CCDC157: variants seen among roughly 807,000 people sequenced by gnomAD.
CCDC157 encodes coiled-coil domain containing 157, also known as coiled-coil domain-containing protein 157.
In CCDC157, 60 loss-of-function variants were observed where a neutral mutation model predicts 70.9. The observed-to-expected ratio is 0.85, with a 90% CI of 0.69 to 1.05. The LOEUF is 1.05. Ranked by LOEUF, CCDC157 falls within the 50% of genes least tolerant of loss-of-function variation. The pLI, the probability that CCDC157 is intolerant of heterozygous loss-of-function variation, is 0.00. For missense variants in CCDC157, 943 were observed against 984.2 expected, an observed-to-expected ratio of 0.96 and a Z score of 0.56; for synonymous variants, 373 against 422.4, an observed-to-expected ratio of 0.88 and a Z score of 1.43.
At chr22:30,365,924 C>T in intron 2 of CCDC157, 66 bp from the exon 3 acceptor site, 1 of 1,442,724 alleles carries the variant, frequency 6.9e-7, no homozygotes, top group Non-Finnish European at 9.3e-7. Flanking sequence ...ATGAGGGTTT[C>T]AGGGAGTTTC....
intron 2 of CCDC157, among the ~76,000 whole-genome samples, chr22:30,364,547 G>A (rs1039486234): frequency 2.6e-5 from 4 of 151,994 alleles, no homozygotes; most frequent in Non-Finnish European, 4.4e-5. Context: ...CGTGGCTCAC[G>A]CCTGTAATCC....
Position 30,365,990 on chromosome 22 carries a change from G to C in CCDC157, c.-11G>C, listed in dbSNP as rs755965736. On this transcript the variant is annotated splice_region_variant and 5_prime_UTR_variant, in exon 3 of 12. Transcript: ENST00000338306. The stretch of plus-strand genomic sequence containing the variant: ...CAGGGCTCTTCTCTGCTCACCCCAG[G>C]ATCTGTGAGGATGGCGCACCTGCTG... The C allele has an allele frequency of 1.5e-5, 23 of 1,578,874 alleles. No homozygotes were observed. The highest frequency in any genetic ancestry group is 1.9e-5 in the Non-Finnish European group (22 of 1,169,192).
intron 1 of CCDC157, among the ~76,000 whole-genome samples, chr22:30,357,921 C>G (rs1173024162): frequency 6.6e-6 from 1 of 152,156 alleles, no homozygotes; most frequent in African/African-American, 2.4e-5. Flanking sequence ...GCCTTGGCCT[C>G]CCAAAGTGCT....
chr22:30,373,943 G>C lies in CCDC157; in HGVS notation c.1524G>C (p.Gln508His), dbSNP rs1933142115. The C allele has an allele frequency of 6.2e-7, 1 of 1,611,816 alleles. No homozygotes were observed. Among genetic ancestry groups the C allele is most frequent in the Non-Finnish European group, 8.5e-7 (1 of 1,179,194 alleles). ...CCCAGGAGCTGCTGCAGAGCCTGCA[G>C]AGGGAGAAGCAAGGCCTGGAGCAGG... ...RAQQELLQSLQREKQGLEQAT... is the reference protein window; with the variant it reads ...RAQQELLQSLHREKQGLEQAT... The change falls in exon 9 of 12, where the codon CAG becomes CAC. Residue 508 changes from glutamine (Q) to histidine (H), a missense_variant. Coordinates refer to ENST00000338306, the MANE Select transcript of CCDC157 (RefSeq NM_001017437.5).
rs138168951 is a variant in CCDC157 at position 30,357,966 on chromosome 22, T to C, written c.-166+834T>C. Among the ~76,000 whole-genome samples, 10 of 152,282 alleles carry C rather than the reference T, an allele frequency of 6.6e-5. No individual in the cohort carries two copies. In the East Asian group the frequency reaches 1.4e-3, roughly 21 times the overall value. Reference sequence around the variant, plus strand: ...CGCATGAGCCATCACGCAGGGCTGCTGCTTTAGGCTTCACCCCTCACTCTC... The same window carrying C: ...CGCATGAGCCATCACGCAGGGCTGCCGCTTTAGGCTTCACCCCTCACTCTC... On this transcript the variant is annotated intron_variant, in intron 1 of 11. Coordinates refer to ENST00000338306, the MANE Select transcript of CCDC157 (RefSeq NM_001017437.5).
chr22:30,364,821 A>C (rs1932610297), intron 2 of CCDC157, among the ~76,000 whole-genome samples: 1 of 151,976 alleles, frequency 6.6e-6, no homozygotes, highest in Non-Finnish European at 1.5e-5. Context: ...TCTCAAAAAA[A>C]AAAAAAAACC....
At chr22:30,361,247 CAAAA>C (rs33971565) in intron 1 of CCDC157, among the ~76,000 whole-genome samples, 3 of 62,194 alleles carry the variant, frequency 4.8e-5, no homozygotes, top group African/African-American at 1.3e-4. Flanking sequence ...GACTCTGTCT[CAAAA>C]AAAAAAAAAA....
intron 2 of CCDC157, among the ~76,000 whole-genome samples, chr22:30,363,802 C>T (rs1391151474): frequency 6.7e-6 from 1 of 150,286 alleles, no homozygotes; most frequent in African/African-American, 2.5e-5. Flanking sequence ...GTTCTCCTGT[C>T]TCAGCCTCCC....
In CCDC157 at chr22:30,376,827, C is replaced by T; in HGVS notation, c.*82C>T. On this transcript the variant is annotated 3_prime_UTR_variant, in exon 12 of 12. Coordinates refer to ENST00000338306, the MANE Select transcript of CCDC157 (RefSeq NM_001017437.5). ...TAAAGCCCCAGCCATTGGCCCACAG[C>T]AATCTTTGCCTCACAGTATGACTGA... is the stretch of plus-strand genomic sequence containing the variant. 1.5e-6 allele frequency: 2 copies of T among 1,352,474 alleles called. No individual in the cohort carries two copies. Among genetic ancestry groups the T allele is most frequent in the South Asian group, 1.3e-5 (1 of 74,946 alleles). The allele number at this position is 1,352,474 out of a possible 1,614,324, so 83.8% of individuals were successfully genotyped here.
At position 30,370,377 on chromosome 22, in the gene CCDC157, G is replaced by A. The variant is rs143249037; in HGVS notation, c.472G>A (p.Glu158Lys). The change falls in exon 5 of 12, where the codon GAG becomes AAG. Residue 158 changes from glutamate (E) to lysine (K), a missense_variant. Glu to Lys is a moderately conservative substitution (Grantham distance 56). Transcript: ENST00000338306. ...CACCTCCAAGCCCACCACCAAGGGC[G>A]AGCCAGCCAGGAGCCCTGAATATCT... ...TPTSKPTTKGEPARSPEYLTT... is the reference protein window; with the variant it reads ...TPTSKPTTKGKPARSPEYLTT... 5.0e-4 allele frequency: 807 copies of A among 1,614,048 alleles called. 4 individuals are homozygous for A. In the Middle Eastern group the frequency reaches 6.9e-3, roughly 14 times the overall value.
chr22:30,376,024 CAA>C (rs772545880), intron 10 of CCDC157: 206 of 470,932 alleles, frequency 4.4e-4, no homozygotes, highest in South Asian at 8.8e-4. Context: ...CCCGTTTCTA[CAA>C]AAAAAAAAAG....
intron 3 of CCDC157, chr22:30,367,237 T>G (rs556347568): frequency 1.3e-5 from 2 of 150,768 alleles, no homozygotes; most frequent in African/African-American, 4.9e-5. Flanking sequence ...TAGCTGGGTG[T>G]GTTGGTGCAT....
In CCDC157 at chr22:30,376,433, G is replaced by T; in HGVS notation, c.1947G>T (p.Gly649=). 6.2e-7 allele frequency: 1 copy of T among 1,613,774 alleles called. No homozygotes were observed. Among genetic ancestry groups the T allele is most frequent in the Non-Finnish European group, 8.5e-7 (1 of 1,179,902 alleles). The part of the protein sequence containing the change: ...PPVQAKSTSP[G]PLGRQHLPSS... ...GATCTTGGATCTGGTTTTCCTTCAGGCCTCTGGGCAGACAGCACCTTCCTA... is the reference window on the plus strand; with the variant it reads ...GATCTTGGATCTGGTTTTCCTTCAGTCCTCTGGGCAGACAGCACCTTCCTA... The change falls in exon 12 of 12, where the codon GGG becomes GGT. Residue 649 remains glycine (G), a splice_region_variant and synonymous_variant. Coordinates refer to ENST00000338306, the MANE Select transcript of CCDC157 (RefSeq NM_001017437.5).
At chr22:30,356,966 G>C, upstream of CCDC157, 1 of 512,452 alleles carries the variant, frequency 2.0e-6, no homozygotes, top group Non-Finnish European at 3.0e-6. Flanking sequence ...GCCGTGACGC[G>C]CTTCCCGCCC....
Position 30,373,699 on chromosome 22 carries a change from G to C in CCDC157, c.1438G>C (p.Ala480Pro). The part of the protein sequence containing the change: ...GSLDEAEAQR[A>P]RVEEQLQSER... ...CCTGGACGAGGCTGAGGCCCAGCGG[G>C]CCCGCGTGGAGGAGCAGCTGCAGAG... Residue 480 changes from alanine to proline, a missense_variant, in exon 8 of 12, where the codon GCC becomes CCC. Physicochemically the swap from Ala to Pro is conservative, Grantham distance 27. Coordinates refer to ENST00000338306, the MANE Select transcript of CCDC157 (RefSeq NM_001017437.5). 1 of 1,553,256 alleles carries C rather than the reference G, an allele frequency of 6.4e-7. No homozygotes were observed. Among genetic ancestry groups the C allele is most frequent in the South Asian group, 1.2e-5 (1 of 84,358 alleles).
intron 1 of CCDC157, 26 bp from the exon 2 acceptor site, chr22:30,361,935 T>C (rs1932378338): frequency 6.6e-6 from 1 of 152,338 alleles, no homozygotes; most frequent in Non-Finnish European, 1.5e-5. Context: ...GTGCTTTCAC[T>C]CACTGTCACT....
At chr22:30,363,201 C>T (rs933031903) in intron 2 of CCDC157, among the ~76,000 whole-genome samples, 1 of 152,142 alleles carries the variant, frequency 6.6e-6, no homozygotes, top group African/African-American at 2.4e-5. Context: ...TCTCGCTTCT[C>T]CACCTTCTGA....
chr22:30,372,252 A>G lies in CCDC157; in HGVS notation c.1301A>G (p.Lys434Arg). 6.3e-7 allele frequency: 1 copy of G among 1,592,608 alleles called. No homozygotes were observed. Among genetic ancestry groups the G allele is most frequent in the Non-Finnish European group, 8.5e-7 (1 of 1,171,850 alleles). ...GCCAGCACGGAGCTGGATAAGGAGA[A>G]GGCCCGTGTCGACAGCATGGTCCGC... ...CWASTELDKEKARVDSMVRHQ... is the reference protein window; with the variant it reads ...CWASTELDKERARVDSMVRHQ... The change falls in exon 7 of 12, where the codon AAG (lysine) becomes AGG (arginine). Residue 434 changes from lysine (K) to arginine (R), a missense_variant. Lys to Arg is a conservative substitution (Grantham distance 26). Transcript: ENST00000338306.
intron 5 of CCDC157, 162 bp from the exon 6 acceptor site, chr22:30,371,488 G>A (rs906953663): frequency 3.2e-6 from 2 of 624,774 alleles, no homozygotes; most frequent in Admixed American, 5.5e-5. Flanking sequence ...GGTGGGTAAG[G>A]GCCCAGCCGC....
Sources: allele counts gnomAD v4.1 joint callset (sites outside exome capture counted in the v4.1 genomes callset), GRCh38; gene constraint gnomAD v4.1.1; transcripts MANE v1.5; gene names NCBI Gene and HGNC (gene_info 2026-07-23, HGNC 2026-07-21).